The following CLTRN variants were observed in gnomAD, a reference collection of about 807,000 sequenced individuals.
CLTRN encodes the protein collectrin.
Under a neutral mutation model 14.5 loss-of-function variants are expected in CLTRN, and 12 were observed. The observed-to-expected ratio is 0.83, with a 90% CI of 0.53 to 1.34. CLTRN has a LOEUF of 1.34. Among genes scored for constraint, CLTRN ranks in the 40% most tolerant of loss-of-function variants. CLTRN has a pLI of 0.00. For synonymous variants in CLTRN, 58 were observed against 56.5 expected (o/e 1.03, Z -0.12); for missense variants, 154 against 165.1 (o/e 0.93, Z 0.37).
intron 5 of CLTRN, among the ~76,000 whole-genome samples, chrX:15,636,919 C>A (rs755029407): frequency 6.3e-5 from 7 of 111,437 alleles, no homozygotes; most frequent in Non-Finnish European, 1.3e-4. Flanking sequence ...GTAAAGGGCA[C>A]AGCTGGTATT....
rs199900262 is a variant in CLTRN, at chrX:15,671,844, G to GCACACACA, written c.-506+3137_-506+3144dup. Reference sequence around the variant, plus strand: ...TTTTGGTATGCTTAATTTTATGCGCGCACACACACACACACACACACACAC... The same window carrying GCACACACA: ...TTTTGGTATGCTTAATTTTATGCGCGCACACACACACACACACACACACACACACACAC... On this transcript the variant is annotated intron_variant, in intron 1 of 6. Transcript: ENST00000650271. 4.8e-3 allele frequency among the ~76,000 whole-genome samples: 434 copies of GCACACACA among 90,034 alleles called. 5 individuals are homozygous for GCACACACA. The highest frequency in any genetic ancestry group is 0.016 in the African/African-American group (410 of 24,856). 78.2% of individuals were successfully genotyped at this position (90,034 alleles called of 115,157 possible). A position where few individuals can be genotyped will look rare whatever the true frequency, so the allele number is the denominator to read the frequency against.
At chrX:15,630,777 C>CATCAGCA (rs970126477) in intron 5 of CLTRN, among the ~76,000 whole-genome samples, 2 of 111,906 alleles carry the variant, frequency 1.8e-5, no homozygotes, top group African/African-American at 6.5e-5. Context: ...TCATGGCAAG[C>CATCAGCA]ATCAGCAATC....
intron 3 of CLTRN, chrX:15,646,435 G>A (rs1430942061): frequency 9.4e-6 from 3 of 320,436 alleles, no homozygotes; most frequent in African/African-American, 2.7e-5. Context: ...TTCCTGGGCT[G>A]GCTCTGGGCC....
At chrX:15,648,265 A>G (rs973699140) in intron 3 of CLTRN, among the ~76,000 whole-genome samples, 1 of 112,153 alleles carries the variant, frequency 8.9e-6, no homozygotes, top group African/African-American at 3.2e-5. Flanking sequence ...ACTGTTCCAC[A>G]GATTAAAGGA....
chrX:15,671,290 G>C (rs1929714199), intron 1 of CLTRN, among the ~76,000 whole-genome samples: 1 of 111,964 alleles, frequency 8.9e-6, no homozygotes, highest in African/African-American at 3.2e-5. Flanking sequence ...ATAGAAGAAA[G>C]GTTTCTCAAT....
At chrX:15,653,018 T>C (rs1390169269) in intron 3 of CLTRN, among the ~76,000 whole-genome samples, 1 of 111,518 alleles carries the variant, frequency 9.0e-6, no homozygotes. Flanking sequence ...GAGATGGAAG[T>C]TGCAGTGAGC....
intron 3 of CLTRN, among the ~76,000 whole-genome samples, chrX:15,654,159 G>A (rs1929292519): frequency 8.9e-6 from 1 of 111,937 alleles, no homozygotes; most frequent in Admixed American, 9.5e-5. Flanking sequence ...TGTTTTACAA[G>A]CACAAGACCG....
At chrX:15,642,513 T>C (rs1259859143) in intron 4 of CLTRN, among the ~76,000 whole-genome samples, 1 of 112,473 alleles carries the variant, frequency 8.9e-6, no homozygotes, top group African/African-American at 3.2e-5. Context: ...AAATAGTTTA[T>C]CCTGCTAGGA....
chrX:15,666,354 C>T (rs141726386), upstream of CLTRN, among the ~76,000 whole-genome samples: 3,510 of 111,633 alleles, frequency 0.031, 123 homozygotes, highest in African/African-American at 0.11. Flanking sequence ...ATCAACGCCC[C>T]GCCCAGAGGT....
At chrX:15,670,922 GT>G (rs1929708366) in intron 1 of CLTRN, among the ~76,000 whole-genome samples, 1 of 89,670 alleles carries the variant, frequency 1.1e-5, no homozygotes, top group Admixed American at 1.2e-4. Flanking sequence ...GTGTGTGTGT[GT>G]GTGTGTGTGT....
chrX:15,671,431 C>T (rs1408084522), intron 1 of CLTRN, among the ~76,000 whole-genome samples: 3 of 112,128 alleles, frequency 2.7e-5, no homozygotes, highest in Non-Finnish European at 3.8e-5. Flanking sequence ...ACAGCAGGGA[C>T]TTGCTGGTAG....
At chrX:15,640,703 G>A (rs913700901) in intron 4 of CLTRN, among the ~76,000 whole-genome samples, 17 of 112,822 alleles carry the variant, frequency 1.5e-4, no homozygotes, top group Non-Finnish European at 3.0e-4. Flanking sequence ...ACCAGGAGTG[G>A]CTTCAAATTC....
At chrX:15,643,059 C>A (rs1311201291) in intron 4 of CLTRN, among the ~76,000 whole-genome samples, 1 of 111,515 alleles carries the variant, frequency 9.0e-6, no homozygotes, top group Non-Finnish European at 1.9e-5. Context: ...TATCATGCTA[C>A]TGTACTATAG....
At chrX:15,629,618 G>A (rs145380032) in intron 5 of CLTRN, among the ~76,000 whole-genome samples, 2,532 of 110,615 alleles carry the variant, frequency 0.023, 73 homozygotes, top group African/African-American at 0.076. Flanking sequence ...GAATGCCAAC[G>A]AATATAGAAA....
chrX:15,635,299 A>C (rs977306549), intron 5 of CLTRN, among the ~76,000 whole-genome samples: 3 of 111,550 alleles, frequency 2.7e-5, no homozygotes, highest in Non-Finnish European at 3.8e-5. Flanking sequence ...GAAACTGGCA[A>C]ATGCTACAAA....
In CLTRN at chrX:15,658,735, C is replaced by T. The variant is rs867340689; in HGVS notation, c.203+281G>A. 1.8e-4 allele frequency among the ~76,000 whole-genome samples: 18 copies of T among 100,203 alleles called. No individual in the cohort carries two copies. The South Asian group carries it at 4.7e-3, about 26-fold the overall frequency. The allele number at this position is 100,203 out of a possible 115,157, so 87.0% of individuals were successfully genotyped here. On this transcript the variant is annotated intron_variant, in intron 3 of 5. Transcript: ENST00000380342. The stretch of plus-strand genomic sequence containing the variant: ...TTATATATATATATATATATATATA[C>T]ACACACACACACAATAGAAATGTAG...
At chrX:15,646,849 C>T (rs1479174929) in intron 3 of CLTRN, 4 of 310,506 alleles carry the variant, frequency 1.3e-5, no homozygotes, top group Non-Finnish European at 1.3e-5. Flanking sequence ...CCCGCCCGAG[C>T]GCAGAGGGAG....
In CLTRN at chrX:15,659,212, A is replaced by G. The variant is rs752691565; in HGVS notation, c.118-111T>C. On this transcript the variant is annotated intron_variant, in intron 2 of 5. Coordinates refer to ENST00000380342, the MANE Select transcript of CLTRN (RefSeq NM_020665.6). ...TCTCTCCACACACACACACACACAC[A>G]CGCACACACACACACGTTTCTCATA... is the stretch of plus-strand genomic sequence containing the variant. The G allele has an allele frequency of 2.2e-3, 630 of 288,165 alleles. 2 individuals carry two copies. Among genetic ancestry groups the G allele is most frequent in the African/African-American group, 0.011 (390 of 36,572 alleles). 23.7% of individuals were successfully genotyped at this position (288,165 alleles called of 1,213,427 possible).
At chrX:15,659,723 A>G (rs1929460797) in intron 2 of CLTRN, among the ~76,000 whole-genome samples, 1 of 111,222 alleles carries the variant, frequency 9.0e-6, no homozygotes, top group African/African-American at 3.3e-5. Flanking sequence ...ACACAGAGGG[A>G]AGATGATATG....
Sources: gnomAD v4.1 joint callset for allele counts (sites outside exome capture counted in the v4.1 genomes callset) on GRCh38, gnomAD v4.1.1 for gene constraint, MANE v1.5 for transcripts, NCBI Gene and HGNC (gene_info 2026-07-23, HGNC 2026-07-21) for gene names.